MTMR12: variants seen among roughly 807,000 people sequenced by gnomAD.
The protein encoded by MTMR12 is myotubularin related protein 12.
A neutral mutation model predicts 96.7 loss-of-function variants in MTMR12; 33 were observed. That is an observed-to-expected ratio of 0.34 (90% CI 0.26 to 0.46). The LOEUF is 0.46. Ranked by LOEUF, MTMR12 falls within the 20% of genes least tolerant of loss-of-function variation. The pLI, the probability that MTMR12 is intolerant of heterozygous loss-of-function variation, is 1.00. For synonymous variants in MTMR12, 298 were observed against 327.2 expected (o/e 0.91, Z 0.96); for missense variants, 721 against 896.1 (o/e 0.80, Z 2.49).
At chr5:32,285,215 G>A (rs563688298) in intron 1 of MTMR12, among the ~76,000 whole-genome samples, 21 of 151,934 alleles carry the variant, frequency 1.4e-4, no homozygotes, top group Admixed American at 4.6e-4. Flanking sequence ...AAAATTAGCC[G>A]GGTGTGGTGG....
At position 32,228,569 on chromosome 5, in the gene MTMR12, C is replaced by CATATATATATCATATATATGTGATATAT. The variant is rs1747840788; in HGVS notation, c.*1181_*1208dup. 1.3e-4 allele frequency: 15 copies of CATATATATATCATATATATGTGATATAT among 112,508 alleles called. No individual in the cohort carries two copies. The highest frequency in any genetic ancestry group is 2.8e-4 in the African/African-American group (7 of 25,030). The allele number at this position is 112,508 out of a possible 1,614,324, so 7.0% of individuals were successfully genotyped here. ...TCATATATATGTGATATATATATAT[C>CATATATATATCATATATATGTGATATAT]ATATATATATCATATATATGTGATA... On this transcript the variant is annotated 3_prime_UTR_variant, in exon 16 of 16. Coordinates refer to ENST00000382142, the MANE Select transcript of MTMR12 (RefSeq NM_001040446.3).
intron 1 of MTMR12, among the ~76,000 whole-genome samples, chr5:32,299,741 A>G (rs1751065694): frequency 6.6e-6 from 1 of 152,232 alleles, no homozygotes; most frequent in Admixed American, 6.5e-5. Flanking sequence ...AGGTCCGAGC[A>G]GCGACCCTTG....
chr5:32,268,082 C>T (rs977415540), intron 6 of MTMR12, among the ~76,000 whole-genome samples: 6 of 152,120 alleles, frequency 3.9e-5, no homozygotes, highest in African/African-American at 1.2e-4. Flanking sequence ...CCACCCACCT[C>T]GGCTTCCTGA....
intron 6 of MTMR12, among the ~76,000 whole-genome samples, chr5:32,264,971 CA>C (rs759393962): frequency 0.013 from 1,840 of 140,714 alleles, 24 homozygotes; most frequent in African/African-American, 0.036. Flanking sequence ...CAAACCCCAC[CA>C]AAAAAAAAAA....
At chr5:32,248,711 T>A (rs1242588226) in intron 9 of MTMR12, 61 bp downstream of exon 9, 1 of 1,286,948 alleles carries the variant, frequency 7.8e-7, no homozygotes, top group African/African-American at 1.5e-5. Context: ...TACTAAGAGC[T>A]GTTCCCTGCT....
At chr5:32,296,141 G>A (rs1299258899) in intron 1 of MTMR12, among the ~76,000 whole-genome samples, 1 of 151,466 alleles carries the variant, frequency 6.6e-6, no homozygotes, top group African/African-American at 2.4e-5. Context: ...CCTGGACGAT[G>A]AGGCAAGACT....
rs949751877 is a variant in MTMR12 at position 32,258,837 on chromosome 5, A to G, written c.714-3069T>C. On this transcript the variant is annotated intron_variant, in intron 7 of 15. Coordinates refer to ENST00000382142, the MANE Select transcript of MTMR12 (RefSeq NM_001040446.3). ...TTAAAAAATTTCCATGTCTTCCCCAACTAGTGAGGTTGAATATTTTACACT... is the reference window on the plus strand; with the variant it reads ...TTAAAAAATTTCCATGTCTTCCCCAGCTAGTGAGGTTGAATATTTTACACT... Among the ~76,000 whole-genome samples the G allele has an allele frequency of 4.0e-5, 6 of 151,306 alleles. No individual in the cohort carries two copies. In the East Asian group the frequency reaches 1.2e-3, roughly 29 times the overall value.
At chr5:32,253,292 T>A (rs1405152791) in intron 8 of MTMR12, among the ~76,000 whole-genome samples, 1 of 152,204 alleles carries the variant, frequency 6.6e-6, no homozygotes, top group Non-Finnish European at 1.5e-5. Flanking sequence ...AACAAGAGGC[T>A]ATAGTGGTAC....
rs1269227580 is a variant in MTMR12, at chr5:32,233,959, C to G, written c.1513-25G>C. Reference sequence around the variant, plus strand: ...CCTGCCAAAACAAGCACAGGTCATGCTGTTTTCCAGGGAGGGCTGAGGAAG... The same window carrying G: ...CCTGCCAAAACAAGCACAGGTCATGGTGTTTTCCAGGGAGGGCTGAGGAAG... On this transcript the variant is annotated intron_variant, in intron 14 of 15. Transcript: ENST00000382142. This position sits in a 1 kb window ranked among gnomAD's most constrained non-coding sequence, Gnocchi z 5.0. The G allele has an allele frequency of 1.2e-6, 2 of 1,613,602 alleles. No individual in the cohort carries two copies. Among genetic ancestry groups the G allele is most frequent in the Non-Finnish European group, 1.7e-6 (2 of 1,179,630 alleles).
At chr5:32,310,239 G>A (rs1228488027) in intron 1 of MTMR12, among the ~76,000 whole-genome samples, 1 of 152,170 alleles carries the variant, frequency 6.6e-6, no homozygotes, top group South Asian at 2.1e-4. Context: ...GGAGGTGGAG[G>A]CTACAGTGAG....
intron 1 of MTMR12, among the ~76,000 whole-genome samples, chr5:32,310,266 G>A (rs1751525227): frequency 6.6e-6 from 1 of 152,180 alleles, no homozygotes. Flanking sequence ...TCACGCCACT[G>A]TACTTCAACC....
intron 10 of MTMR12, chr5:32,247,794 C>T (rs891870682): frequency 4.0e-5 from 39 of 985,082 alleles, no homozygotes; most frequent in South Asian, 4.7e-5. Context: ...ATCACTGCCA[C>T]AATAAGGAGG....
chr5:32,253,565 C>T (rs551781756), intron 8 of MTMR12, among the ~76,000 whole-genome samples: 10 of 152,266 alleles, frequency 6.6e-5, no homozygotes, highest in African/African-American at 2.2e-4. Flanking sequence ...TCCACTGTAA[C>T]TTTTGGGACG....
intron 6 of MTMR12, among the ~76,000 whole-genome samples, chr5:32,267,320 G>T: frequency 6.7e-6 from 1 of 149,288 alleles, no homozygotes; most frequent in South Asian, 2.1e-4. Context: ...AGGTTGCAGT[G>T]AGCCAAGATC....
At chr5:32,239,826 CAA>C (rs1748394934) in intron 12 of MTMR12, among the ~76,000 whole-genome samples, 1 of 152,246 alleles carries the variant, frequency 6.6e-6, no homozygotes, top group African/African-American at 2.4e-5. Context: ...TCCTAGGAGA[CAA>C]ACTCTCCTTG....
At chr5:32,274,932 G>A (rs925202292) in intron 2 of MTMR12, among the ~76,000 whole-genome samples, 1 of 151,942 alleles carries the variant, frequency 6.6e-6, no homozygotes, top group Admixed American at 6.6e-5. Context: ...GGAGCTCACG[G>A]GGGCAGGCAA....
intron 10 of MTMR12, among the ~76,000 whole-genome samples, chr5:32,244,853 CA>C (rs1748618593): frequency 6.6e-6 from 1 of 152,138 alleles, no homozygotes; most frequent in Admixed American, 6.5e-5. Context: ...TATGTGAAAA[CA>C]TGGAATTAAA....
At chr5:32,288,904 G>T (rs1750644306) in intron 1 of MTMR12, among the ~76,000 whole-genome samples, 2 of 152,110 alleles carry the variant, frequency 1.3e-5, no homozygotes, top group South Asian at 4.1e-4. Context: ...CAGCTGGGAG[G>T]GTCCAGAAGA....
intron 1 of MTMR12, among the ~76,000 whole-genome samples, chr5:32,303,987 CAT>C (rs1441385526): frequency 3.3e-5 from 5 of 151,936 alleles, no homozygotes; most frequent in Admixed American, 6.6e-5. Flanking sequence ...TATCTTCACA[CAT>C]GACAACCACA....
Sources: allele counts gnomAD v4.1 joint callset (sites outside exome capture counted in the v4.1 genomes callset), GRCh38; gene constraint gnomAD v4.1.1; non-coding constraint Gnocchi (gnomAD v3.1); transcripts MANE v1.5; gene names NCBI Gene and HGNC (gene_info 2026-07-23, HGNC 2026-07-21).